The following ATP11A variants were observed in gnomAD, a reference collection of about 807,000 sequenced individuals.
ATP11A encodes phospholipid-transporting ATPase IH.
Under a neutral mutation model 154.4 loss-of-function variants are expected in ATP11A, and 81 were observed. That is an observed-to-expected ratio of 0.52 (90% CI 0.44 to 0.63). The LOEUF is 0.63. ATP11A is among the 30% of genes least tolerant of loss of function. ATP11A has a pLI of 0.00. For missense variants in ATP11A, 1,316 were observed against 1,474.3 expected, an observed-to-expected ratio of 0.89 and a Z score of 1.76; for synonymous variants, 623 against 585.9, an observed-to-expected ratio of 1.06 and a Z score of -0.91.
intron 6 of ATP11A, among the ~76,000 whole-genome samples, chr13:112,817,334 T>C (rs1424086448): frequency 1.3e-5 from 2 of 152,256 alleles, no homozygotes; most frequent in Non-Finnish European, 2.9e-5. Flanking sequence ...CTTTCATAGA[T>C]AATTCATGAT....
In ATP11A at chr13:112,697,474, C is replaced by T. The variant is rs1299178444; in HGVS notation, c.39+7019C>T. 6.6e-6 allele frequency among the ~76,000 whole-genome samples: 1 copy of T among 152,102 alleles called. No individual in the cohort carries two copies. The highest frequency in any genetic ancestry group is 2.4e-5 in the African/African-American group (1 of 41,416). On this transcript the variant is annotated intron_variant, in intron 1 of 29. Transcript: ENST00000375645. The surrounding 1 kb of genome is among the most constrained non-coding windows in gnomAD (Gnocchi z 4.0). Reference sequence around the variant, plus strand: ...GCCATTGGCAATTCGGAAGGGAATTCAGGGAGAGCAGCCGCAGTGCCCTGT... The same window carrying T: ...GCCATTGGCAATTCGGAAGGGAATTTAGGGAGAGCAGCCGCAGTGCCCTGT...
chr13:112,880,003 G>A (rs2140448716), intron 29 of ATP11A, among the ~76,000 whole-genome samples: 1 of 152,332 alleles, frequency 6.6e-6, no homozygotes, highest in African/African-American at 2.4e-5. Flanking sequence ...CTCCTCACCT[G>A]GGCGTTTGCC....
chr13:112,842,318 TC>T lies in ATP11A; in HGVS notation c.1753del (p.Arg585GlufsTer2). On this transcript the variant is annotated frameshift_variant, in exon 17 of 30. Coordinates refer to ENST00000375645, the MANE Select transcript of ATP11A (RefSeq NM_015205.3). LOFTEE classifies it high-confidence loss of function. ...TGCAAAGGAGCAGATTCTTCGATATTCCCCCGAGTGATAGAAGGCAAAGTTG... is the reference window on the plus strand; with the variant it reads ...TGCAAAGGAGCAGATTCTTCGATATTCCCCGAGTGATAGAAGGCAAAGTTG... ...LFCKGADSSI[F>X]PRVIEGKVDQ... 6.2e-7 allele frequency: 1 copy of T among 1,611,994 alleles called. No individual in the cohort carries two copies. The highest frequency in any genetic ancestry group is 1.7e-5 in the Admixed American group (1 of 59,778).
rs282614 is a variant in ATP11A at position 112,834,358 on chromosome 13, C to T, written c.1560-231C>T. Among the ~76,000 whole-genome samples the T allele has an allele frequency of 5.0e-3, 757 of 152,316 alleles. 2 individuals carry two copies. The highest frequency in any genetic ancestry group is 0.014 in the African/African-American group (575 of 41,570). ...AAGAATGTGCCTCACTGCTGTGTGCCAAGGAGGGTTGGGTTGGGTAGAAAT... is the reference window on the plus strand; with the variant it reads ...AAGAATGTGCCTCACTGCTGTGTGCTAAGGAGGGTTGGGTTGGGTAGAAAT... On this transcript the variant is annotated intron_variant, in intron 14 of 29. Transcript: ENST00000375645.
intron 13 of ATP11A, 99 bp from the exon 14 acceptor site, chr13:112,832,761 C>T: frequency 1.4e-6 from 2 of 1,443,164 alleles, no homozygotes; most frequent in Non-Finnish European, 1.9e-6. Flanking sequence ...CCGCGGGGAC[C>T]CCCCCCACCC....
At chr13:112,724,999 G>A (rs796830078) in intron 1 of ATP11A, among the ~76,000 whole-genome samples, 34 of 152,274 alleles carry the variant, frequency 2.2e-4, no homozygotes, top group African/African-American at 6.3e-4. Context: ...TGGTCCCCAC[G>A]TCATTTTCTT....
intron 1 of ATP11A, among the ~76,000 whole-genome samples, chr13:112,720,964 G>A (rs1443467588): frequency 6.6e-6 from 1 of 152,130 alleles, no homozygotes; most frequent in Non-Finnish European, 1.5e-5. Flanking sequence ...GGCCAAGAGG[G>A]GTCCATTCTG....
chr13:112,842,664 T>G (rs1262024960), intron 17 of ATP11A, among the ~76,000 whole-genome samples: 1 of 152,240 alleles, frequency 6.6e-6, no homozygotes, highest in Non-Finnish European at 1.5e-5. Context: ...GTTGGTTGAT[T>G]GATGTTTTGG....
chr13:112,801,059 G>A (rs141275415), intron 2 of ATP11A, among the ~76,000 whole-genome samples: 18 of 149,144 alleles, frequency 1.2e-4, no homozygotes, highest in African/African-American at 1.7e-4. Context: ...AAACGAGATG[G>A]TTTCACCCTA....
At chr13:112,864,620 A>T (rs9577394) in intron 25 of ATP11A, among the ~76,000 whole-genome samples, 1 of 34,712 alleles carries the variant, frequency 2.9e-5, no homozygotes, top group Non-Finnish European at 4.3e-5. Context: ...TGCGGCCCAT[A>T]CAGCTTCCCA....
At chr13:112,699,539 G>A (rs979373738) in intron 1 of ATP11A, among the ~76,000 whole-genome samples, 3 of 152,336 alleles carry the variant, frequency 2.0e-5, no homozygotes, top group East Asian at 1.9e-4. Context: ...TTGGTGGTCC[G>A]TTGTGAACTC....
chr13:112,724,463 G>A (rs1475959433), intron 1 of ATP11A, among the ~76,000 whole-genome samples: 1 of 149,582 alleles, frequency 6.7e-6, no homozygotes, highest in Non-Finnish European at 1.5e-5. Context: ...TCCACTGGGA[G>A]CCCCCTGTCC....
At chr13:112,834,868 C>T (rs1796230050) in intron 15 of ATP11A, among the ~76,000 whole-genome samples, 3 of 152,252 alleles carry the variant, frequency 2.0e-5, no homozygotes, top group Admixed American at 2.0e-4. Flanking sequence ...AGCCACAGCG[C>T]TGCTTCCCCT....
intron 1 of ATP11A, among the ~76,000 whole-genome samples, chr13:112,777,851 C>A (rs4551931): frequency 6.6e-6 from 1 of 151,916 alleles, no homozygotes; most frequent in African/African-American, 2.4e-5. Flanking sequence ...GCCGCTCCCT[C>A]CCCATGCGCT....
Position 112,690,485 on chromosome 13 carries a change from C to A in ATP11A, c.39+30C>A. 7.6e-7 allele frequency: 1 copy of A among 1,323,680 alleles called. No homozygotes were observed. The highest frequency in any genetic ancestry group is 2.3e-5 in the South Asian group (1 of 43,278). 82.0% of individuals were successfully genotyped at this position (1,323,680 alleles called of 1,614,324 possible). On this transcript the variant is annotated intron_variant, in intron 1 of 29. Transcript: ENST00000375645. The surrounding 1 kb of genome is among the most constrained non-coding windows in gnomAD (Gnocchi z 5.6). ...GTGCTCCCGGCGCGGGCTGGGGGAC[C>A]CGGGGACCAGACAGACGCGGGCCGG...
chr13:112,831,475 T>C lies in ATP11A; in HGVS notation c.1322T>C (p.Ile441Thr). ...GGCCATGTCTACGTGCCCCACGTCATCTGCAACGGGCAGGTCCTCCCAGAG... is the reference window on the plus strand; with the variant it reads ...GGCCATGTCTACGTGCCCCACGTCACCTGCAACGGGCAGGTCCTCCCAGAG... ...IEGHVYVPHV[I>T]CNGQVLPESS... is the part of the protein sequence containing the mutation. The change falls in exon 13 of 30, where the codon ATC becomes ACC. Residue 441 changes from isoleucine (I) to threonine (T), a missense_variant. Ile to Thr is a moderately conservative substitution (Grantham distance 89, BLOSUM62 -1). Transcript: ENST00000375645. The C allele has an allele frequency of 6.2e-7, 1 of 1,614,204 alleles. No individual in the cohort carries two copies. Among genetic ancestry groups the C allele is most frequent in the Non-Finnish European group, 8.5e-7 (1 of 1,180,036 alleles).
At chr13:112,815,251 C>T (rs1026484143) in intron 5 of ATP11A, among the ~76,000 whole-genome samples, 2 of 152,170 alleles carry the variant, frequency 1.3e-5, no homozygotes, top group African/African-American at 4.8e-5. Flanking sequence ...AGATGCCTTC[C>T]TCACCCTTCA....
intron 12 of ATP11A, 108 bp downstream of exon 12, chr13:112,826,999 T>A: frequency 8.7e-7 from 1 of 1,147,226 alleles, no homozygotes; most frequent in Non-Finnish European, 1.3e-6. Flanking sequence ...TACCTGTAGC[T>A]GGCGTAAGAC....
chr13:112,730,129 CCA>C (rs1184416865), intron 1 of ATP11A, among the ~76,000 whole-genome samples: 1 of 152,188 alleles, frequency 6.6e-6, no homozygotes, highest in Non-Finnish European at 1.5e-5. Context: ...TCGCAGCGGC[CCA>C]CATAGACCAC....
Sources: allele counts gnomAD v4.1 joint callset (sites outside exome capture counted in the v4.1 genomes callset), GRCh38; gene constraint gnomAD v4.1.1; non-coding constraint Gnocchi (gnomAD v3.1); transcripts MANE v1.5; gene names NCBI Gene and HGNC (gene_info 2026-07-23, HGNC 2026-07-21).